The following MYO3B variants were observed in gnomAD, a reference collection of about 807,000 sequenced individuals.
MYO3B encodes myosin-IIIb.
MYO3B carries 156 observed loss-of-function variants against 174.6 expected under a neutral mutation model. The ratio of observed to expected loss-of-function variants is 0.89; its 90% confidence interval spans 0.78 to 1.02. The LOEUF is 1.02. MYO3B is among the 50% of genes least tolerant of loss of function. The pLI is 0.00. For missense variants in MYO3B, 1,632 were observed against 1,639.4 expected (o/e 1.00, Z 0.08); for synonymous variants, 563 against 569.1 (o/e 0.99, Z 0.15).
intron 7 of MYO3B, among the ~76,000 whole-genome samples, chr2:170,247,062 G>A (rs1003146330): frequency 6.6e-6 from 1 of 152,202 alleles, no homozygotes; most frequent in African/African-American, 2.4e-5. Flanking sequence ...CCTTGCACCA[G>A]ACAGCTGAGC....
chr2:170,188,653 G>A (rs991994689), intron 1 of MYO3B, among the ~76,000 whole-genome samples: 4 of 151,990 alleles, frequency 2.6e-5, no homozygotes, highest in African/African-American at 4.8e-5. Context: ...CAGTTACCAT[G>A]AGGCTTGCAA....
intron 7 of MYO3B, among the ~76,000 whole-genome samples, chr2:170,294,478 G>T (rs1007625278): frequency 2.6e-4 from 39 of 151,898 alleles, no homozygotes; most frequent in African/African-American, 9.4e-4. Context: ...TTTGAAGATT[G>T]ATTTCTAATT....
rs1049515055 is a variant in MYO3B, at chr2:170,378,308, A to G, written c.972-3708A>G. Reference sequence around the variant, plus strand: ...CCAAAGAACACTAGTTGTGGAAGGCAGAAATAGTGCTACACATATATATAT... The same window carrying G: ...CCAAAGAACACTAGTTGTGGAAGGCGGAAATAGTGCTACACATATATATAT... On this transcript the variant is annotated intron_variant, in intron 9 of 34. Transcript: ENST00000408978. Among the ~76,000 whole-genome samples, 6 of 152,204 alleles carry G rather than the reference A, an allele frequency of 3.9e-5. No individual in the cohort carries two copies. In the South Asian group the frequency reaches 1.0e-3, roughly 26 times the overall value.
intron 3 of MYO3B, 118 bp downstream of exon 3, chr2:170,200,402 G>A: frequency 1.8e-6 from 2 of 1,109,742 alleles, no homozygotes; most frequent in South Asian, 1.8e-5. Flanking sequence ...CCTCCTGCAT[G>A]TCACAGGTAC....
At chr2:170,257,653 C>T (rs1212403810) in intron 7 of MYO3B, among the ~76,000 whole-genome samples, 1 of 152,026 alleles carries the variant, frequency 6.6e-6, no homozygotes, top group Non-Finnish European at 1.5e-5. Context: ...CTCGAATTAA[C>T]AATCTAACAT....
intron 32 of MYO3B, among the ~76,000 whole-genome samples, chr2:170,639,390 A>G (rs1861289): frequency 0.58 from 88,049 of 152,020 alleles, 25,695 homozygotes; most frequent in Admixed American, 0.63. Context: ...CATTTTCGCC[A>G]TAATTCCTGC....
chr2:170,273,905 G>C (rs1438012973), intron 7 of MYO3B, among the ~76,000 whole-genome samples: 3 of 152,134 alleles, frequency 2.0e-5, no homozygotes, highest in East Asian at 3.8e-4. Context: ...AATGGCAGTG[G>C]GGGGGCACCT....
chr2:170,504,971 G>A (rs548450397), intron 28 of MYO3B, among the ~76,000 whole-genome samples: 1 of 152,206 alleles, frequency 6.6e-6, no homozygotes, highest in Admixed American at 6.5e-5. Context: ...CAGTCTTTGA[G>A]GTAGGCCACA....
chr2:170,232,223 A>T (rs1239255943), intron 6 of MYO3B, among the ~76,000 whole-genome samples: 1 of 152,204 alleles, frequency 6.6e-6, no homozygotes, highest in Non-Finnish European at 1.5e-5. Flanking sequence ...TAACCTAGAG[A>T]CAAGGAGAAT....
chr2:170,540,456 A>G (rs1351342667), intron 30 of MYO3B, among the ~76,000 whole-genome samples: 3 of 152,066 alleles, frequency 2.0e-5, no homozygotes, highest in Non-Finnish European at 4.4e-5. Flanking sequence ...TAAAAATTCA[A>G]TTAAATAGAG....
intron 30 of MYO3B, among the ~76,000 whole-genome samples, chr2:170,540,681 AC>A (rs1559098198): frequency 6.7e-6 from 1 of 148,852 alleles, no homozygotes; most frequent in African/African-American, 2.5e-5. Flanking sequence ...AAACAAAAAA[AC>A]AGCAACAACA....
At chr2:170,407,610 G>T in intron 21 of MYO3B, 105 bp from the exon 22 acceptor site, 1 of 538,774 alleles carries the variant, frequency 1.9e-6, no homozygotes. Context: ...ATGTAAAGAT[G>T]AGTTCTATAT....
intron 30 of MYO3B, among the ~76,000 whole-genome samples, chr2:170,538,566 C>A (rs2106192398): frequency 6.6e-6 from 1 of 152,286 alleles, no homozygotes; most frequent in Non-Finnish European, 1.5e-5. Context: ...TACTCAGGAG[C>A]CAGCCTTCAC....
At chr2:170,390,892 T>C (rs755721894) in intron 14 of MYO3B, among the ~76,000 whole-genome samples, 3 of 152,208 alleles carry the variant, frequency 2.0e-5, no homozygotes, top group Admixed American at 1.3e-4. Context: ...CGTCTAGGCA[T>C]GTACTTACCA....
chr2:170,455,054 T>C (rs1405727183), intron 23 of MYO3B, among the ~76,000 whole-genome samples: 1 of 152,168 alleles, frequency 6.6e-6, no homozygotes, highest in Non-Finnish European at 1.5e-5. Flanking sequence ...CAAGCATTGA[T>C]CTTAGGTCTT....
chr2:170,418,333 A>G (rs1419748024), intron 22 of MYO3B, among the ~76,000 whole-genome samples: 1 of 152,228 alleles, frequency 6.6e-6, no homozygotes, highest in Non-Finnish European at 1.5e-5. Context: ...CTTCTACATA[A>G]CTAAGCTGAG....
intron 7 of MYO3B, among the ~76,000 whole-genome samples, chr2:170,268,872 A>G (rs902631916): frequency 6.6e-5 from 10 of 152,240 alleles, no homozygotes; most frequent in African/African-American, 2.4e-4. Flanking sequence ...GAAGAAAAAT[A>G]CAAATGGCCA....
At chr2:170,392,360 G>T in intron 15 of MYO3B, 21 bp from the exon 16 acceptor site, 1 of 1,537,302 alleles carries the variant, frequency 6.5e-7, no homozygotes. Flanking sequence ...ATTCTGTTTG[G>T]TCATGCTCCA....
At chr2:170,649,474 C>A (rs1698834164) in intron 32 of MYO3B, among the ~76,000 whole-genome samples, 1 of 127,822 alleles carries the variant, frequency 7.8e-6, no homozygotes. Flanking sequence ...ATATTTTTTT[C>A]ATCGAACTTA....
Sources: allele counts gnomAD v4.1 joint callset (sites outside exome capture counted in the v4.1 genomes callset), GRCh38; gene constraint gnomAD v4.1.1; transcripts MANE v1.5; gene names NCBI Gene and HGNC (gene_info 2026-07-23, HGNC 2026-07-21).